ZFR2: variants seen among roughly 807,000 people sequenced by gnomAD.
The protein encoded by ZFR2 is zinc finger RNA-binding protein 2.
ZFR2 carries 104 observed loss-of-function variants against 105.7 expected under a neutral mutation model. That is an observed-to-expected ratio of 0.98 (90% confidence interval 0.84 to 1.16). The LOEUF (loss-of-function observed/expected upper bound fraction) is 1.16. ZFR2 is among the 50% of genes most tolerant of loss of function. The probability of loss-of-function intolerance (pLI) is 0.00; values close to 1 mark genes in which losing one functional copy is unlikely to be tolerated. For synonymous variants in ZFR2, 634 were observed against 597.7 expected, an observed-to-expected ratio of 1.06 and a Z score of -0.89; for missense variants, 1,425 against 1,355.5, an observed-to-expected ratio of 1.05 and a Z score of -0.80.
chr19:3,852,192 G>A (rs2038245827), intron 1 of ZFR2: 4 of 476,940 alleles, frequency 8.4e-6, no homozygotes, highest in Middle Eastern at 5.9e-4. Context: ...CCTGGCCAAG[G>A]CGGGGCTCAG....
At position 3,838,892 on chromosome 19, in the gene ZFR2, C is replaced by T. The variant is rs2038106084; in HGVS notation, c.54-3909G>A. ...GCAGCTGCCCAGCTGTCTCCCGGGG[C>T]CGCGGCACGTGGCATGCAGCAGGGG... On this transcript the variant is annotated intron_variant, in intron 1 of 18. Coordinates refer to ENST00000262961, the MANE Select transcript of ZFR2 (RefSeq NM_015174.2). The surrounding 1 kb of genome is among the most constrained non-coding windows in gnomAD (Gnocchi z 4.9). Among the ~76,000 whole-genome samples, 1 of 152,186 alleles carries T rather than the reference C, an allele frequency of 6.6e-6. No individual in the cohort carries two copies.
At chr19:3,821,998 G>C in intron 9 of ZFR2, 83 bp downstream of exon 9, 1 of 1,495,074 alleles carries the variant, frequency 6.7e-7, no homozygotes, top group Non-Finnish European at 8.9e-7. Context: ...ACGCGCGGAA[G>C]AGGCCCGACC....
rs751849368 is a variant in ZFR2 at position 3,834,864 on chromosome 19, C to G, written c.173G>C (p.Gly58Ala). 6.2e-7 allele frequency: 1 copy of G among 1,611,516 alleles called. No homozygotes were observed. The highest frequency in any genetic ancestry group is 8.5e-7 in the Non-Finnish European group (1 of 1,179,040). The change falls in exon 2 of 19, where the codon GGT becomes GCT. Residue 58 changes from glycine (G) to alanine (A), a missense_variant. Physicochemically the swap from Gly to Ala is moderately conservative, Grantham distance 60 (BLOSUM62 0). Transcript: ENST00000262961. The surrounding 1 kb of genome is among the most constrained non-coding windows in gnomAD (Gnocchi z 5.3). ...AFPPAAPAGY[G>A]GYQPHSGQDF... ...CTGGCCGGAGTGGGGCTGGTATCCA[C>G]CGTACCCTGCCGGGGCAGCTGGGGG...
At position 3,831,403 on chromosome 19, in the gene ZFR2, T is replaced by C; in HGVS notation, c.752A>G (p.Lys251Arg). The C allele has an allele frequency of 1.3e-6, 2 of 1,555,684 alleles. No homozygotes were observed. The highest frequency in any genetic ancestry group is 1.7e-6 in the Non-Finnish European group (2 of 1,151,720). ...GSGSSPRADS[K>R]PPLPSKLPRP... ...CGGCAGCTTGCTGGGAAGCGGTGGC[T>C]TCGAGTCGGCCCTGGGGCTGCTTCC... The change falls in exon 5 of 19, where the codon AAG (lysine) becomes AGG (arginine). Residue 251 changes from lysine to arginine, a missense_variant. Physicochemically the swap from Lys to Arg is conservative, Grantham distance 26. Transcript: ENST00000262961.
At chr19:3,848,651 A>AGC (rs2038206128) in intron 1 of ZFR2, among the ~76,000 whole-genome samples, 1 of 151,420 alleles carries the variant, frequency 6.6e-6, no homozygotes, top group Non-Finnish European at 1.5e-5. Flanking sequence ...AGATCACACC[A>AGC]CTGCACTCCA....
intron 17 of ZFR2, among the ~76,000 whole-genome samples, chr19:3,808,574 T>C (rs1318220185): frequency 6.6e-6 from 1 of 152,216 alleles, no homozygotes; most frequent in African/African-American, 2.4e-5. Context: ...CCGGGGTGGC[T>C]CTGTGCCGCC....
chr19:3,818,072 T>C (rs574198722), intron 12 of ZFR2, among the ~76,000 whole-genome samples: 17 of 152,378 alleles, frequency 1.1e-4, no homozygotes, highest in Admixed American at 1.0e-3. Flanking sequence ...GCTGTGGAGA[T>C]GGACAGGGGT....
rs779011844 is a variant in ZFR2 at position 3,816,825 on chromosome 19, C to T, written c.1952G>A (p.Arg651Gln). The T allele has an allele frequency of 1.8e-5, 28 of 1,570,620 alleles. No homozygotes were observed. Among genetic ancestry groups the T allele is most frequent in the East Asian group, 2.4e-5 (1 of 42,326 alleles). Reference sequence around the variant, plus strand: ...TACTCGCATGACGCCTTTCAGGACCCGAGTCTGGGGGGCAACGCTGCTGTG... The same window carrying T: ...TACTCGCATGACGCCTTTCAGGACCTGAGTCTGGGGGGCAACGCTGCTGTG... ...DKRSSVAPQT[R>Q]VLKGVMRVGI... is the part of the protein sequence containing the mutation. The change falls in exon 13 of 19, where the codon CGG becomes CAG. Residue 651 changes from arginine (R) to glutamine (Q), a missense_variant. Arg to Gln is a conservative substitution (Grantham distance 43). Coordinates refer to ENST00000262961, the MANE Select transcript of ZFR2 (RefSeq NM_015174.2).
Position 3,805,751 on chromosome 19 carries a change from C to G in ZFR2, c.*198G>C, listed in dbSNP as rs1234625160. ...GAACTCTCAGGCTCAAGCAACTCAG[C>G]CTCCCAAAGTGCTGGGATTAAAGGC... On this transcript the variant is annotated 3_prime_UTR_variant, in exon 19 of 19. Coordinates refer to ENST00000262961, the MANE Select transcript of ZFR2 (RefSeq NM_015174.2). The G allele has an allele frequency of 1.7e-6, 1 of 572,660 alleles. No homozygotes were observed. The highest frequency in any genetic ancestry group is 2.8e-6 in the Non-Finnish European group (1 of 356,196). The allele number at this position is 572,660 out of a possible 1,614,324, so 35.5% of individuals were successfully genotyped here.
chr19:3,826,593 C>T (rs2037953007), intron 6 of ZFR2, among the ~76,000 whole-genome samples: 1 of 152,014 alleles, frequency 6.6e-6, no homozygotes. Flanking sequence ...GCACCCACCA[C>T]GCCCGGCTAA....
Position 3,813,994 on chromosome 19 carries a change from T to A in ZFR2, c.2104-36A>T, listed in dbSNP as rs1462506943. On this transcript the variant is annotated intron_variant, in intron 13 of 18. Coordinates refer to ENST00000262961, the MANE Select transcript of ZFR2 (RefSeq NM_015174.2). The surrounding 1 kb of genome is among the most constrained non-coding windows in gnomAD (Gnocchi z 4.4). Reference sequence around the variant, plus strand: ...TAAATACAACACAAGGCCACCTTACTGCAGCCCAGATTCATGTGTAAATCA... The same window carrying A: ...TAAATACAACACAAGGCCACCTTACAGCAGCCCAGATTCATGTGTAAATCA... 6.2e-7 allele frequency: 1 copy of A among 1,611,372 alleles called. No homozygotes were observed.
chr19:3,865,976 G>A (rs1321105596), intron 1 of ZFR2, among the ~76,000 whole-genome samples: 1 of 152,014 alleles, frequency 6.6e-6, no homozygotes, highest in East Asian at 1.9e-4. Context: ...CGAGTAACTG[G>A]GATTACAGGC....
At chr19:3,822,298 G>A in intron 8 of ZFR2, 98 bp from the exon 9 acceptor site, 1 of 1,505,260 alleles carries the variant, frequency 6.6e-7, no homozygotes, top group Non-Finnish European at 9.0e-7. Flanking sequence ...CCTCCTTGCT[G>A]CTCATTTTAT....
In ZFR2 at chr19:3,834,787, T is replaced by C. The variant is rs2038060315; in HGVS notation, c.250A>G (p.Met84Val). 3 of 1,611,922 alleles carry C rather than the reference T, an allele frequency of 1.9e-6. No individual in the cohort carries two copies. The highest frequency in any genetic ancestry group is 2.5e-6 in the Non-Finnish European group (3 of 1,179,784). The change falls in exon 2 of 19, where the codon ATG becomes GTG. Residue 84 changes from methionine (M) to valine (V), a missense_variant. Transcript: ENST00000262961. This position sits in a 1 kb window ranked among gnomAD's most constrained non-coding sequence, Gnocchi z 5.3. Reference sequence around the variant, plus strand: ...GGACTGGATACCTGGTAGGTAGCCATGGTGGTGGCCGTGGGGACGGGCTCC... The same window carrying C: ...GGACTGGATACCTGGTAGGTAGCCACGGTGGTGGCCGTGGGGACGGGCTCC... Reference protein sequence around the residue: ...PQEPVPTATTMATYQDSYSYG... With the variant: ...PQEPVPTATTVATYQDSYSYG...
chr19:3,836,847 C>T (rs1290654439), intron 1 of ZFR2, among the ~76,000 whole-genome samples: 1 of 152,164 alleles, frequency 6.6e-6, no homozygotes, highest in Non-Finnish European at 1.5e-5. Flanking sequence ...ACCCAGTAGA[C>T]AGTTCTGGAG....
intron 11 of ZFR2, among the ~76,000 whole-genome samples, chr19:3,819,480 T>C (rs1248056710): frequency 2.0e-5 from 3 of 152,212 alleles, no homozygotes; most frequent in Admixed American, 2.0e-4. Flanking sequence ...CCGCCACCTT[T>C]GGCCATATTC....
At chr19:3,826,016 G>A (rs1006158574) in intron 6 of ZFR2, among the ~76,000 whole-genome samples, 1 of 152,018 alleles carries the variant, frequency 6.6e-6, no homozygotes, top group Non-Finnish European at 1.5e-5. Flanking sequence ...TACAAGACCT[G>A]CCCTGTACCC....
Position 3,838,894 on chromosome 19 carries a change from G to A in ZFR2, c.54-3911C>T, listed in dbSNP as rs1458713114. Among the ~76,000 whole-genome samples, 7 of 152,278 alleles carry A rather than the reference G, an allele frequency of 4.6e-5. 1 individual carries two copies. The South Asian group carries it at 1.2e-3, about 27-fold the overall frequency. ...AGCTGCCCAGCTGTCTCCCGGGGCC[G>A]CGGCACGTGGCATGCAGCAGGGGCT... On this transcript the variant is annotated intron_variant, in intron 1 of 18. Transcript: ENST00000262961. The surrounding 1 kb of genome is among the most constrained non-coding windows in gnomAD (Gnocchi z 4.9).
Position 3,810,848 on chromosome 19 carries a change from T to TC in ZFR2, c.2338-4dup. The stretch of plus-strand genomic sequence containing the variant: ...GGCTGCAGGCCGCTGGCTCGAGCCT[T>TC]CGGGGGAGAAGCACACGGTTAGCTT... On this transcript the variant is annotated splice_polypyrimidine_tract_variant and splice_region_variant and intron_variant, in intron 15 of 18. Transcript: ENST00000262961. 1 of 1,550,062 alleles carries TC rather than the reference T, an allele frequency of 6.5e-7. No individual in the cohort carries two copies. The highest frequency in any genetic ancestry group is 1.2e-5 in the South Asian group (1 of 84,022).
Sources: gnomAD v4.1 joint callset for allele counts (sites outside exome capture counted in the v4.1 genomes callset) on GRCh38, gnomAD v4.1.1 for gene constraint, Gnocchi (gnomAD v3.1) non-coding constraint, MANE v1.5 for transcripts, NCBI Gene and HGNC (gene_info 2026-07-23, HGNC 2026-07-21) for gene names.